ITPR1: variants seen among roughly 807,000 people sequenced by gnomAD.
The protein encoded by ITPR1 is inositol 1,4,5-trisphosphate-gated calcium channel ITPR1.
A neutral mutation model predicts 318.4 loss-of-function variants in ITPR1; 96 were observed. The observed-to-expected ratio is 0.30, with a 90% CI of 0.26 to 0.36. The LOEUF is 0.36. ITPR1 is among the 10% of genes least tolerant of loss of function. The pLI is 1.00. For missense variants in ITPR1, 2,440 were observed against 3,460.2 expected, an observed-to-expected ratio of 0.71 and a Z score of 7.40; for synonymous variants, 1,312 against 1,289.9, an observed-to-expected ratio of 1.02 and a Z score of -0.37.
chr3:4,782,394 AG>A, intron 49 of ITPR1: 1 of 381,208 alleles, frequency 2.6e-6, no homozygotes, highest in Non-Finnish European at 4.7e-6. Flanking sequence ...TCTTGGTCTA[AG>A]TAGAGTGAAT....
At chr3:4,696,925 T>C (rs1478442284) in intron 33 of ITPR1, among the ~76,000 whole-genome samples, 3 of 152,196 alleles carry the variant, frequency 2.0e-5, no homozygotes, top group Non-Finnish European at 2.9e-5. Flanking sequence ...AGGTTTTGCC[T>C]CATTCTTTAC....
At chr3:4,700,936 C>G (rs964308254) in intron 35 of ITPR1, among the ~76,000 whole-genome samples, 6 of 152,156 alleles carry the variant, frequency 3.9e-5, no homozygotes, top group Non-Finnish European at 7.4e-5. Flanking sequence ...CATTCACTAT[C>G]ATGAGAACAG....
At chr3:4,727,555 G>A (rs897094718) in intron 42 of ITPR1, among the ~76,000 whole-genome samples, 3 of 152,100 alleles carry the variant, frequency 2.0e-5, no homozygotes, top group Non-Finnish European at 4.4e-5. Context: ...CTAGCCACAA[G>A]AGCCACTGTT....
intron 44 of ITPR1, among the ~76,000 whole-genome samples, chr3:4,742,317 T>C (rs1395583056): frequency 1.3e-5 from 2 of 152,206 alleles, no homozygotes; most frequent in Non-Finnish European, 2.9e-5. Flanking sequence ...CCCTTCCTTA[T>C]GGAGTTACGA....
chr3:4,710,200 G>A lies in ITPR1; in HGVS notation c.4843-125G>A, dbSNP rs146980310. 1.8e-4 allele frequency: 144 copies of A among 783,840 alleles called. 1 individual carries two copies. The East Asian group carries it at 2.3e-3, about 12-fold the overall frequency. The allele number at this position is 783,840 out of a possible 1,614,324, so 48.6% of individuals were successfully genotyped here. A position where few individuals can be genotyped will look rare whatever the true frequency, so the allele number is the denominator to read the frequency against. ...TGTCTAATAATTTGAGATGCCAGAC[G>A]GTACTAAAGTTACTCTAACCTAGCC... is the stretch of plus-strand genomic sequence containing the variant. On this transcript the variant is annotated intron_variant, in intron 37 of 61. Coordinates refer to ENST00000649015, the MANE Select transcript of ITPR1 (RefSeq NM_001378452.1). This position sits in a 1 kb window ranked among gnomAD's most constrained non-coding sequence, Gnocchi z 4.2.
chr3:4,728,003 T>C (rs752677650), intron 42 of ITPR1, among the ~76,000 whole-genome samples: 7 of 152,240 alleles, frequency 4.6e-5, no homozygotes, highest in Non-Finnish European at 8.8e-5. Flanking sequence ...CCCTGTTTTG[T>C]CATTTAGTAC....
intron 61 of ITPR1, among the ~76,000 whole-genome samples, chr3:4,841,506 G>A (rs1559994078): frequency 6.6e-6 from 1 of 152,128 alleles, no homozygotes; most frequent in Non-Finnish European, 1.5e-5. Flanking sequence ...TGCCAGGTGC[G>A]GCATTAGGTA....
chr3:4,605,338 CTG>C (rs1163291056), intron 4 of ITPR1, among the ~76,000 whole-genome samples: 8 of 152,180 alleles, frequency 5.3e-5, no homozygotes, highest in African/African-American at 1.9e-4. Context: ...AACATGGCAA[CTG>C]ACTGCAGTAC....
At chr3:4,521,368 A>G (rs1007087075) in intron 4 of ITPR1, among the ~76,000 whole-genome samples, 7 of 152,100 alleles carry the variant, frequency 4.6e-5, no homozygotes, top group Admixed American at 1.3e-4. Flanking sequence ...TTGTACAGGT[A>G]TTTCTTCAAA....
At chr3:4,797,174 C>T (rs1379807418) in intron 53 of ITPR1, among the ~76,000 whole-genome samples, 4 of 151,428 alleles carry the variant, frequency 2.6e-5, no homozygotes, top group African/African-American at 9.7e-5. Context: ...CCAAGGAAGC[C>T]TTTTCCATTA....
At chr3:4,598,714 G>A (rs1038352669) in intron 4 of ITPR1, among the ~76,000 whole-genome samples, 2 of 152,182 alleles carry the variant, frequency 1.3e-5, no homozygotes, top group Non-Finnish European at 2.9e-5. Flanking sequence ...AAGGCTCTGT[G>A]AAGTCTTGCA....
chr3:4,692,787 A>C (rs1327663731), intron 32 of ITPR1, among the ~76,000 whole-genome samples: 1 of 152,212 alleles, frequency 6.6e-6, no homozygotes, highest in Non-Finnish European at 1.5e-5. Flanking sequence ...ATAAGATGGT[A>C]GATGAAAGAA....
At chr3:4,742,201 G>C (rs1301586348) in intron 44 of ITPR1, among the ~76,000 whole-genome samples, 5 of 152,210 alleles carry the variant, frequency 3.3e-5, no homozygotes, top group Admixed American at 2.0e-4. Flanking sequence ...ATTTGTGCTG[G>C]AATTCCAGCT....
chr3:4,538,653 C>T (rs769251643), intron 4 of ITPR1, among the ~76,000 whole-genome samples: 8 of 152,114 alleles, frequency 5.3e-5, no homozygotes, highest in Non-Finnish European at 8.8e-5. Flanking sequence ...ACCCAGATGC[C>T]CATCAGTGAT....
intron 5 of ITPR1, among the ~76,000 whole-genome samples, chr3:4,633,233 G>A (rs1274578545): frequency 1.3e-5 from 2 of 152,138 alleles, no homozygotes; most frequent in Non-Finnish European, 2.9e-5. Flanking sequence ...ACTGGGCCCG[G>A]CCTCAGGTCT....
intron 10 of ITPR1, 88 bp downstream of exon 10, chr3:4,645,816 A>T: frequency 8.6e-7 from 1 of 1,167,120 alleles, no homozygotes; most frequent in Middle Eastern, 2.1e-4. Flanking sequence ...ACAAATATTC[A>T]TACATACATA....
intron 4 of ITPR1, among the ~76,000 whole-genome samples, chr3:4,615,376 T>TC (rs200008299): frequency 1.4e-4 from 21 of 144,954 alleles, no homozygotes; most frequent in African/African-American, 1.6e-4. Context: ...TTTCTTTCTT[T>TC]TTTTTTTTTT....
chr3:4,511,929 A>G (rs765569609), intron 2 of ITPR1, among the ~76,000 whole-genome samples: 2 of 152,338 alleles, frequency 1.3e-5, no homozygotes, highest in African/African-American at 2.4e-5. Flanking sequence ...AGGGCAGATG[A>G]ATAGCAAAAG....
chr3:4,766,067 T>C (rs1343366418), intron 44 of ITPR1, among the ~76,000 whole-genome samples: 1 of 152,216 alleles, frequency 6.6e-6, no homozygotes, highest in Non-Finnish European at 1.5e-5. Context: ...TCCTAACCTG[T>C]TAATGAGCAA....
Sources: allele counts gnomAD v4.1 joint callset (sites outside exome capture counted in the v4.1 genomes callset), GRCh38; gene constraint gnomAD v4.1.1; non-coding constraint Gnocchi (gnomAD v3.1); transcripts MANE v1.5; gene names NCBI Gene and HGNC (gene_info 2026-07-23, HGNC 2026-07-21).